The following CLCN4 variants were observed in gnomAD, a reference collection of about 807,000 sequenced individuals.
CLCN4 encodes Cl-/H+ antiporter 4.
CLCN4 carries 1 observed loss-of-function variant against 41.7 expected under a neutral mutation model. That is an observed-to-expected ratio of 0.02 (90% CI 0.01 to 0.11). The LOEUF is 0.11. Among genes scored for constraint, CLCN4 ranks in the 10% least tolerant of loss-of-function variants. The probability of loss-of-function intolerance (pLI) is 1.00; values close to 1 mark genes in which losing one functional copy is unlikely to be tolerated. For synonymous variants in CLCN4, 277 were observed against 285.8 expected (o/e 0.97, Z 0.31); for missense variants, 287 against 661.0 (o/e 0.43, Z 6.20).
At chrX:10,173,258 G>T (rs1923427532) in intron 2 of CLCN4, among the ~76,000 whole-genome samples, 1 of 111,255 alleles carries the variant, frequency 9.0e-6, no homozygotes, top group Non-Finnish European at 1.9e-5. Context: ...AGCTCTCCAG[G>T]ATCAGAATCT....
chrX:10,218,495 G>C (rs1220635902), intron 11 of CLCN4, among the ~76,000 whole-genome samples: 3 of 112,148 alleles, frequency 2.7e-5, no homozygotes, highest in Non-Finnish European at 5.6e-5. Flanking sequence ...TGTCCACCAT[G>C]TGCTGATACC....
chrX:10,229,718 A>G (rs980894656), intron 12 of CLCN4, among the ~76,000 whole-genome samples: 3 of 111,559 alleles, frequency 2.7e-5, no homozygotes, highest in African/African-American at 9.8e-5. Flanking sequence ...TACAAAGGAC[A>G]TGAACTCATC....
At position 10,236,488 on chromosome X, in the gene CLCN4, C is replaced by T. The variant is rs1925255845; in HGVS notation, c.*2904C>T. On this transcript the variant is annotated 3_prime_UTR_variant, in exon 13 of 13. Coordinates refer to ENST00000380833, the MANE Select transcript of CLCN4 (RefSeq NM_001830.4). The stretch of plus-strand genomic sequence containing the variant: ...AGTGGGGACTACCACAGCAAACTGC[C>T]TTCCTTCCGTGGAGTCCTAACTCAG... 8.9e-6 allele frequency: 1 copy of T among 111,848 alleles called. No individual in the cohort carries two copies. Among genetic ancestry groups the T allele is most frequent in the Non-Finnish European group, 1.9e-5 (1 of 53,170 alleles). The allele number at this position is 111,848 out of a possible 1,213,427, so 9.2% of individuals were successfully genotyped here. A position where few individuals can be genotyped will look rare whatever the true frequency, so the allele number is the denominator to read the frequency against.
chrX:10,231,694 G>A (rs1282601184), intron 12 of CLCN4, among the ~76,000 whole-genome samples: 3 of 111,709 alleles, frequency 2.7e-5, no homozygotes, highest in African/African-American at 6.5e-5. Context: ...CATAGGTAAC[G>A]CTATGGAGTC....
intron 2 of CLCN4, among the ~76,000 whole-genome samples, chrX:10,172,127 G>T (rs1213480000): frequency 1.8e-5 from 2 of 112,120 alleles, no homozygotes; most frequent in Non-Finnish European, 3.8e-5. Flanking sequence ...TCTCAGGTCT[G>T]CTATATTACG....
chrX:10,195,294 A>G (rs776356809), intron 5 of CLCN4, among the ~76,000 whole-genome samples, 196 bp downstream of exon 5: 5 of 109,317 alleles, frequency 4.6e-5, no homozygotes, highest in Non-Finnish European at 9.5e-5. Flanking sequence ...ACCCTTCCCC[A>G]CTGTTTCATG....
chrX:10,218,742 C>G (rs1343614199), intron 11 of CLCN4, among the ~76,000 whole-genome samples: 1 of 112,647 alleles, frequency 8.9e-6, no homozygotes, highest in Non-Finnish European at 1.9e-5. Flanking sequence ...TAATAGAGTT[C>G]CAAAGTGGCC....
chrX:10,197,389 C>T (rs767661090), intron 5 of CLCN4, among the ~76,000 whole-genome samples: 5 of 111,584 alleles, frequency 4.5e-5, no homozygotes, highest in Non-Finnish European at 9.4e-5. Flanking sequence ...CAGCAGTTCT[C>T]GGGTGAGGCC....
intron 4 of CLCN4, among the ~76,000 whole-genome samples, chrX:10,189,836 A>C: frequency 8.9e-6 from 1 of 112,258 alleles, no homozygotes; most frequent in Non-Finnish European, 1.9e-5. Context: ...GGCCTGCTGA[A>C]GCGCAGTCAG....
intron 4 of CLCN4, among the ~76,000 whole-genome samples, chrX:10,191,356 C>A (rs914139576): frequency 8.9e-6 from 1 of 112,111 alleles, no homozygotes; most frequent in African/African-American, 3.2e-5. Context: ...TGTTGTAGCA[C>A]GTGTCAGTAC....
intron 6 of CLCN4, among the ~76,000 whole-genome samples, chrX:10,201,139 T>G (rs1924229093): frequency 8.9e-6 from 1 of 111,826 alleles, no homozygotes; most frequent in Admixed American, 9.5e-5. Flanking sequence ...AAAACGTATG[T>G]GCTAAAACTA....
chrX:10,235,783 A>G lies in CLCN4; in HGVS notation c.*2199A>G, dbSNP rs1240897295. The stretch of plus-strand genomic sequence containing the variant: ...TAATTCATTGACCTCTTCCTTCCAA[A>G]ATAACATCAAGTAGCCACCTCAGTG... On this transcript the variant is annotated 3_prime_UTR_variant, in exon 13 of 13. Coordinates refer to ENST00000380833, the MANE Select transcript of CLCN4 (RefSeq NM_001830.4). The G allele has an allele frequency of 8.9e-6, 1 of 112,712 alleles. No individual in the cohort carries two copies. Among genetic ancestry groups the G allele is most frequent in the Non-Finnish European group, 1.9e-5 (1 of 53,371 alleles). 9.3% of individuals were successfully genotyped at this position (112,712 alleles called of 1,213,427 possible). A position where few individuals can be genotyped will look rare whatever the true frequency, so the allele number is the denominator to read the frequency against.
intron 2 of CLCN4, among the ~76,000 whole-genome samples, chrX:10,183,617 T>C (rs983769410): frequency 6.2e-5 from 7 of 112,129 alleles, no homozygotes; most frequent in Non-Finnish European, 7.5e-5. Context: ...TGCTAACTGG[T>C]GGTGAGCCTT....
chrX:10,158,206 T>A, intron 1 of CLCN4, 83 bp from the exon 2 acceptor site: 2 of 281,144 alleles, frequency 7.1e-6, no homozygotes, highest in East Asian at 1.0e-4. Flanking sequence ...GCTAATTCTT[T>A]TGAAATCCTA....
At chrX:10,216,895 G>GTATATATATATATATATATA (rs1277215208) in intron 11 of CLCN4, among the ~76,000 whole-genome samples, 3 of 2,089 alleles carry the variant, frequency 1.4e-3, no homozygotes, top group Non-Finnish European at 3.0e-3. Context: ...GTGTGTGTGT[G>GTATATATATATATATATATA]TGTATATATA....
intron 4 of CLCN4, among the ~76,000 whole-genome samples, chrX:10,192,273 G>A (rs1211560447): frequency 5.9e-5 from 6 of 101,164 alleles, no homozygotes; most frequent in Admixed American, 5.1e-4. Context: ...ACACACACAC[G>A]GAGAAAAAGA....
chrX:10,198,587 T>C (rs951851531), intron 6 of CLCN4, among the ~76,000 whole-genome samples: 1 of 112,249 alleles, frequency 8.9e-6, no homozygotes, highest in Non-Finnish European at 1.9e-5. Context: ...AAAACCTGAA[T>C]TCTGCCTTTA....
intron 12 of CLCN4, among the ~76,000 whole-genome samples, chrX:10,228,097 A>G (rs1296313932): frequency 2.7e-5 from 3 of 110,662 alleles, no homozygotes; most frequent in African/African-American, 9.9e-5. Flanking sequence ...AAACATTCCA[A>G]TTCTTTTAGT....
chrX:10,231,934 T>C (rs1925136677), intron 12 of CLCN4, among the ~76,000 whole-genome samples: 1 of 112,558 alleles, frequency 8.9e-6, no homozygotes, highest in Non-Finnish European at 1.9e-5. Context: ...AAGTATTAAT[T>C]ATCAAATTCT....
Sources: gnomAD v4.1 joint callset for allele counts (sites outside exome capture counted in the v4.1 genomes callset) on GRCh38, gnomAD v4.1.1 for gene constraint, MANE v1.5 for transcripts, NCBI Gene and HGNC (gene_info 2026-07-23, HGNC 2026-07-21) for gene names.